The following ADGRB3 variants were observed in gnomAD, a reference collection of about 807,000 sequenced individuals.
ADGRB3 encodes brain-specific angiogenesis inhibitor 3.
In ADGRB3, 37 loss-of-function variants were observed where a neutral mutation model predicts 193.4. That is an observed-to-expected ratio of 0.19 (90% CI 0.15 to 0.25). The LOEUF (loss-of-function observed/expected upper bound fraction) is 0.25. Ranked by LOEUF, ADGRB3 falls within the 10% of genes least tolerant of loss-of-function variation. The probability of loss-of-function intolerance (pLI) is 1.00; values close to 1 mark genes in which losing one functional copy is unlikely to be tolerated. For synonymous variants in ADGRB3, 690 were observed against 644.2 expected, an observed-to-expected ratio of 1.07 and a Z score of -1.08; for missense variants, 1,637 against 1,852.9, an observed-to-expected ratio of 0.88 and a Z score of 2.14.
intron 8 of ADGRB3, among the ~76,000 whole-genome samples, chr6:68,973,780 G>A (rs1258061921): frequency 6.6e-6 from 1 of 152,110 alleles, no homozygotes; most frequent in African/African-American, 2.4e-5. Flanking sequence ...TGACAATTTT[G>A]TATGAAAAGC....
intron 24 of ADGRB3, among the ~76,000 whole-genome samples, chr6:69,336,153 G>T (rs1768842849): frequency 6.6e-6 from 1 of 151,752 alleles, no homozygotes; most frequent in Admixed American, 6.6e-5. Flanking sequence ...TTATACTCAG[G>T]TATTAAGCCT....
intron 17 of ADGRB3, among the ~76,000 whole-genome samples, chr6:69,212,683 A>T (rs1284355461): frequency 6.6e-6 from 1 of 152,190 alleles, no homozygotes; most frequent in Non-Finnish European, 1.5e-5. Flanking sequence ...ATTCCTATCT[A>T]AAATCCCATT....
intron 3 of ADGRB3, among the ~76,000 whole-genome samples, chr6:68,835,852 A>G (rs1355100778): frequency 6.6e-6 from 1 of 151,862 alleles, no homozygotes; most frequent in Non-Finnish European, 1.5e-5. Context: ...CTCATTGTTT[A>G]GTGGATTATT....
At position 69,076,007 on chromosome 6, in the gene ADGRB3, C is replaced by T; in HGVS notation, c.2449C>T (p.Pro817Ser). Residue 817 changes from proline (P) to serine (S), a missense_variant, in exon 17 of 32, where the codon CCC (proline) becomes TCC (serine). Pro to Ser is a moderately conservative substitution (Grantham distance 74). Transcript: ENST00000370598. Reference protein sequence around the residue: ...LAHLANGTLNPYCVLWDDSKT... With the variant: ...LAHLANGTLNSYCVLWDDSKT... Reference sequence around the variant, plus strand: ...GCTTTTTTTTTAGGGTACTTTGAATCCCTATTGTGTATTGTGGGATGACTC... The same window carrying T: ...GCTTTTTTTTTAGGGTACTTTGAATTCCTATTGTGTATTGTGGGATGACTC... The T allele has an allele frequency of 1.2e-6, 2 of 1,611,188 alleles. No homozygotes were observed. The highest frequency in any genetic ancestry group is 1.7e-6 in the Non-Finnish European group (2 of 1,178,392).
At chr6:69,058,355 A>C (rs1016339223) in intron 15 of ADGRB3, among the ~76,000 whole-genome samples, 4 of 151,660 alleles carry the variant, frequency 2.6e-5, no homozygotes, top group Admixed American at 6.6e-5. Flanking sequence ...CTTTTTAAAA[A>C]GGGTTTGTCA....
At chr6:69,114,458 TG>T in intron 17 of ADGRB3, among the ~76,000 whole-genome samples, 1 of 152,340 alleles carries the variant, frequency 6.6e-6, no homozygotes, top group Admixed American at 6.5e-5. Flanking sequence ...TTCTATAGGC[TG>T]CCTGTTCACT....
At chr6:69,284,452 G>T (rs944802003) in intron 20 of ADGRB3, among the ~76,000 whole-genome samples, 3 of 151,976 alleles carry the variant, frequency 2.0e-5, no homozygotes, top group African/African-American at 7.2e-5. Flanking sequence ...GATTTCTACC[G>T]AGGCAATTTA....
intron 20 of ADGRB3, among the ~76,000 whole-genome samples, chr6:69,311,413 G>A (rs970454099): frequency 6.6e-6 from 1 of 151,716 alleles, no homozygotes; most frequent in Non-Finnish European, 1.5e-5. Flanking sequence ...CTGTTTTTCC[G>A]ATGGTAATGA....
At chr6:69,103,782 ATAT>A (rs1278420153) in intron 17 of ADGRB3, among the ~76,000 whole-genome samples, 4 of 149,930 alleles carry the variant, frequency 2.7e-5, no homozygotes, top group African/African-American at 4.9e-5. Context: ...CATTATTATA[ATAT>A]TATTATATTT....
intron 3 of ADGRB3, among the ~76,000 whole-genome samples, chr6:68,708,603 C>G (rs1011620695): frequency 6.6e-6 from 1 of 152,054 alleles, no homozygotes; most frequent in Non-Finnish European, 1.5e-5. Flanking sequence ...AAAACAAAAC[C>G]GAAGACGTCC....
At chr6:68,936,792 G>T in intron 5 of ADGRB3, 112 bp downstream of exon 5, 1 of 1,116,898 alleles carries the variant, frequency 9.0e-7, no homozygotes, top group Non-Finnish European at 1.2e-6. Context: ...TGATTAGAGT[G>T]GATAAGTGTA....
intron 3 of ADGRB3, among the ~76,000 whole-genome samples, chr6:68,921,355 A>G (rs1045673623): frequency 1.8e-4 from 28 of 152,218 alleles, no homozygotes; most frequent in African/African-American, 6.8e-4. Flanking sequence ...AGGCAGGAAT[A>G]ATAATATCAG....
intron 20 of ADGRB3, among the ~76,000 whole-genome samples, chr6:69,282,879 TA>T (rs1463644668): frequency 1.3e-5 from 2 of 152,176 alleles, no homozygotes; most frequent in African/African-American, 4.8e-5. Context: ...CAAAGCTTGA[TA>T]AGATACCTGA....
intron 3 of ADGRB3, among the ~76,000 whole-genome samples, chr6:68,651,186 C>T (rs1235405123): frequency 1.3e-5 from 2 of 152,072 alleles, no homozygotes; most frequent in Non-Finnish European, 2.9e-5. Flanking sequence ...TTTGGCTGGC[C>T]TTGGTTTTTG....
chr6:68,749,851 A>T (rs1766161900), intron 3 of ADGRB3, among the ~76,000 whole-genome samples: 1 of 152,182 alleles, frequency 6.6e-6, no homozygotes, highest in Non-Finnish European at 1.5e-5. Context: ...GGTCATATTG[A>T]TGACACTACA....
At chr6:68,968,218 A>G (rs1422780870) in intron 8 of ADGRB3, among the ~76,000 whole-genome samples, 2 of 152,088 alleles carry the variant, frequency 1.3e-5, no homozygotes, top group Non-Finnish European at 2.9e-5. Flanking sequence ...GGCCCAGTAA[A>G]CATTTCACCC....
At chr6:68,892,217 T>G (rs1345228802) in intron 3 of ADGRB3, among the ~76,000 whole-genome samples, 1 of 152,162 alleles carries the variant, frequency 6.6e-6, no homozygotes, top group African/African-American at 2.4e-5. Context: ...GAACATCTCC[T>G]TCTGCTTAAA....
intron 3 of ADGRB3, among the ~76,000 whole-genome samples, chr6:68,768,637 G>C (rs774170673): frequency 7.9e-5 from 12 of 151,892 alleles, no homozygotes; most frequent in African/African-American, 2.4e-4. Context: ...ATGGGCAAAG[G>C]CTTCACGACT....
At chr6:69,006,585 A>C (rs535486623) in intron 11 of ADGRB3, among the ~76,000 whole-genome samples, 103 of 151,036 alleles carry the variant, frequency 6.8e-4, no homozygotes, top group Non-Finnish European at 1.1e-3. Flanking sequence ...GGCTCACTGT[A>C]ACCTATGCTT....
Sources: allele counts gnomAD v4.1 joint callset (sites outside exome capture counted in the v4.1 genomes callset), GRCh38; gene constraint gnomAD v4.1.1; transcripts MANE v1.5; gene names NCBI Gene and HGNC (gene_info 2026-07-23, HGNC 2026-07-21).